Variants in ADAMTSL1 observed in about 807,000 individuals in gnomAD.
The protein encoded by ADAMTSL1 is ADAMTS-like protein 1.
A neutral mutation model predicts 201.8 loss-of-function variants in ADAMTSL1; 126 were observed. That is an observed-to-expected ratio of 0.62 (90% CI 0.54 to 0.72). The LOEUF (loss-of-function observed/expected upper bound fraction) is 0.72, where lower values mean the gene tolerates loss of function less well. Among genes scored for constraint, ADAMTSL1 ranks in the 30% least tolerant of loss-of-function variants. ADAMTSL1 has a pLI of 0.00. For missense variants in ADAMTSL1, 2,679 were observed against 2,277.8 expected (o/e 1.18, Z -3.59); for synonymous variants, 1,121 against 903.4 (o/e 1.24, Z -4.32).
chr9:18,801,150 C>T (rs1355339398), intron 20 of ADAMTSL1, among the ~76,000 whole-genome samples: 1 of 152,124 alleles, frequency 6.6e-6, no homozygotes. Context: ...AACAGAATTT[C>T]AAGGGCACAA....
chr9:18,366,560 G>A (rs1038724687), intron 2 of ADAMTSL1, among the ~76,000 whole-genome samples: 1 of 144,406 alleles, frequency 6.9e-6, no homozygotes, highest in Non-Finnish European at 1.5e-5. Context: ...ATTGTGGTAT[G>A]TTAATATTAT....
intron 2 of ADAMTSL1, among the ~76,000 whole-genome samples, chr9:18,410,403 G>A (rs1818388995): frequency 6.6e-6 from 1 of 152,042 alleles, no homozygotes; most frequent in African/African-American, 2.4e-5. Flanking sequence ...GGTGCCCAGT[G>A]TGTGTTGTTC....
intron 13 of ADAMTSL1, among the ~76,000 whole-genome samples, chr9:18,698,561 C>G (rs2133287198): frequency 6.6e-6 from 1 of 152,256 alleles, no homozygotes; most frequent in Non-Finnish European, 1.5e-5. Context: ...ACTGGAATTA[C>G]AAAAGTAAGC....
intron 2 of ADAMTSL1, among the ~76,000 whole-genome samples, chr9:18,208,481 G>T (rs1829744479): frequency 6.6e-6 from 1 of 152,122 alleles, no homozygotes; most frequent in Non-Finnish European, 1.5e-5. Flanking sequence ...GCAGTCATCT[G>T]GGTCCTCAGG....
chr9:18,311,994 G>T (rs941814091), intron 2 of ADAMTSL1, among the ~76,000 whole-genome samples: 4 of 152,142 alleles, frequency 2.6e-5, no homozygotes, highest in Admixed American at 2.0e-4. Context: ...GCTGTTCTGG[G>T]CACTAATGAT....
chr9:18,814,537 C>A lies in ADAMTSL1; in HGVS notation c.3806-2572C>A, dbSNP rs775389836. On this transcript the variant is annotated intron_variant, in intron 20 of 28. Transcript: ENST00000380548. ...CTCAACAACAACAAAAAATAATTTT[C>A]AAAAATGGACAAAAGATAAAAAAGA... is the stretch of plus-strand genomic sequence containing the variant. Among the ~76,000 whole-genome samples the A allele has an allele frequency of 5.9e-5, 9 of 152,178 alleles. No homozygotes were observed. The South Asian group carries it at 1.9e-3, about 32-fold the overall frequency.
intron 2 of ADAMTSL1, among the ~76,000 whole-genome samples, chr9:18,432,135 T>C (rs973957627): frequency 2.6e-5 from 4 of 152,228 alleles, no homozygotes; most frequent in Non-Finnish European, 4.4e-5. Context: ...GAAAAGAATT[T>C]TTTTTTAGCT....
intron 1 of ADAMTSL1, among the ~76,000 whole-genome samples, chr9:18,055,658 C>T (rs951517422): frequency 5.9e-5 from 9 of 152,218 alleles, no homozygotes; most frequent in African/African-American, 2.2e-4. Flanking sequence ...CTATATGTCA[C>T]CTAATCGCAG....
At chr9:18,404,810 T>C (rs1036665555) in intron 2 of ADAMTSL1, among the ~76,000 whole-genome samples, 1 of 152,114 alleles carries the variant, frequency 6.6e-6, no homozygotes, top group Non-Finnish European at 1.5e-5. Flanking sequence ...AAACTAGGTG[T>C]TTTGGACTTC....
At chr9:18,384,685 A>T (rs1837710976) in intron 2 of ADAMTSL1, among the ~76,000 whole-genome samples, 1 of 152,080 alleles carries the variant, frequency 6.6e-6, no homozygotes, top group African/African-American at 2.4e-5. Flanking sequence ...TGGATCTCTG[A>T]TGTCCTCTGG....
chr9:18,903,035 T>C (rs537854264), intron 26 of ADAMTSL1, among the ~76,000 whole-genome samples: 54 of 152,092 alleles, frequency 3.6e-4, no homozygotes, highest in Non-Finnish European at 6.5e-4. Context: ...CAAAACCCCA[T>C]CTCTACTAAA....
Position 18,596,455 on chromosome 9 carries a change from T to C in ADAMTSL1, c.474+22189T>C, listed in dbSNP as rs544226055. On this transcript the variant is annotated intron_variant, in intron 4 of 28. Transcript: ENST00000380548. The stretch of plus-strand genomic sequence containing the variant: ...AAACAGAGGTAACAATATCTAATTT[T>C]AATGAAAGCCAATATTTATTTATTT... Among the ~76,000 whole-genome samples the C allele has an allele frequency of 1.9e-3, 289 of 152,322 alleles. 2 individuals are homozygous for C. Among genetic ancestry groups the C allele is most frequent in the African/African-American group, 6.5e-3 (272 of 41,578 alleles).
chr9:18,217,844 A>G (rs1391343806), intron 2 of ADAMTSL1, among the ~76,000 whole-genome samples: 12 of 151,946 alleles, frequency 7.9e-5, no homozygotes, highest in Non-Finnish European at 1.5e-5. Flanking sequence ...ATTTGGGCAG[A>G]GGAAAGTTGT....
chr9:18,147,741 G>A (rs530799981), intron 1 of ADAMTSL1, among the ~76,000 whole-genome samples: 2 of 152,058 alleles, frequency 1.3e-5, no homozygotes, highest in Non-Finnish European at 2.9e-5. Context: ...GTTATCTAGA[G>A]GCTGTTCCAT....
chr9:18,308,126 A>G (rs1833979463), intron 2 of ADAMTSL1, among the ~76,000 whole-genome samples: 1 of 152,128 alleles, frequency 6.6e-6, no homozygotes, highest in African/African-American at 2.4e-5. Flanking sequence ...GCAGAAATAC[A>G]TAAGTTATTT....
rs761726262 is a variant in ADAMTSL1 at position 18,776,906 on chromosome 9, A to C, written c.2677A>C (p.Thr893Pro). ...GGGCTTCGCCTACCTGCTCCCCAAG[A>C]CGGCGGTGGTGCTGCGCTGCCCGGC... ...VGGFAYLLPK[T>P]AVVLRCPARR... The change falls in exon 19 of 29, where the codon ACG becomes CCG. Residue 893 changes from threonine (T) to proline (P), a missense_variant. Thr to Pro is a conservative substitution (Grantham distance 38). Coordinates refer to ENST00000380548, the MANE Select transcript of ADAMTSL1 (RefSeq NM_001040272.6). The C allele has an allele frequency of 2.7e-5, 44 of 1,609,836 alleles. No individual in the cohort carries two copies. Among genetic ancestry groups the C allele is most frequent in the Non-Finnish European group, 3.6e-5 (42 of 1,178,544 alleles).
chr9:18,625,280 T>G (rs969999804), intron 5 of ADAMTSL1, among the ~76,000 whole-genome samples: 1 of 152,092 alleles, frequency 6.6e-6, no homozygotes, highest in African/African-American at 2.4e-5. Flanking sequence ...AAGTTTTTTT[T>G]TTTTTTCCCT....
At chr9:18,462,256 C>G (rs1234266089) in intron 2 of ADAMTSL1, among the ~76,000 whole-genome samples, 1 of 152,144 alleles carries the variant, frequency 6.6e-6, no homozygotes, top group Non-Finnish European at 1.5e-5. Context: ...CTTTAAAAAA[C>G]TGAATGTAAT....
At chr9:18,811,272 C>A (rs1398300573) in intron 20 of ADAMTSL1, among the ~76,000 whole-genome samples, 2 of 152,170 alleles carry the variant, frequency 1.3e-5, no homozygotes, top group African/African-American at 4.8e-5. Flanking sequence ...GATTTTCAGT[C>A]CTCGTTCATT....
Sources: allele counts gnomAD v4.1 joint callset (sites outside exome capture counted in the v4.1 genomes callset), GRCh38; gene constraint gnomAD v4.1.1; transcripts MANE v1.5; gene names NCBI Gene and HGNC (gene_info 2026-07-23, HGNC 2026-07-21).